The following ELP3 variants were observed in gnomAD, a reference collection of about 807,000 sequenced individuals.
ELP3 encodes the protein elongator acetyltransferase complex subunit 3.
In ELP3, 56 loss-of-function variants were observed where a neutral mutation model predicts 74.9. The ratio of observed to expected loss-of-function variants is 0.75; its 90% confidence interval spans 0.60 to 0.93. ELP3 has a LOEUF of 0.93. Among genes scored for constraint, ELP3 ranks in the 40% least tolerant of loss-of-function variants. The probability of loss-of-function intolerance (pLI) is 0.00; values close to 1 mark genes in which losing one functional copy is unlikely to be tolerated. For synonymous variants in ELP3, 222 were observed against 239.8 expected (o/e 0.93, Z 0.68); for missense variants, 573 against 686.5 (o/e 0.83, Z 1.85).
At chr8:28,091,425 A>T (rs1261068771), upstream of ELP3, among the ~76,000 whole-genome samples, 1 of 152,076 alleles carries the variant, frequency 6.6e-6, no homozygotes, top group Non-Finnish European at 1.5e-5. Flanking sequence ...TACAGAGGAG[A>T]ACTTATGTTC....
intron 14 of ELP3, among the ~76,000 whole-genome samples, chr8:28,181,314 C>A (rs79231756): frequency 0.01 from 1,594 of 152,288 alleles, 27 homozygotes; most frequent in African/African-American, 0.036. Context: ...TGTTGTTTTC[C>A]TCCAAACTCT....
intron 9 of ELP3, among the ~76,000 whole-genome samples, chr8:28,135,220 G>A (rs749052120): frequency 9.2e-5 from 14 of 152,194 alleles, no homozygotes; most frequent in Admixed American, 2.0e-4. Context: ...GAGCCACTGC[G>A]CCTGGCCTAA....
intron 7 of ELP3, among the ~76,000 whole-genome samples, chr8:28,118,351 G>A (rs1379079352): frequency 1.3e-5 from 2 of 152,150 alleles, no homozygotes; most frequent in South Asian, 4.1e-4. Flanking sequence ...TTAAGGTAAA[G>A]AAAAGCCCCA....
intron 7 of ELP3, among the ~76,000 whole-genome samples, chr8:28,117,049 C>T (rs1039351729): frequency 6.6e-6 from 1 of 152,242 alleles, no homozygotes; most frequent in East Asian, 1.9e-4. Flanking sequence ...TTATATACTT[C>T]TGTACTCATT....
At position 28,189,793 on chromosome 8, in the gene ELP3, ATACTC is replaced by A; in HGVS notation, c.*69_*73del. On this transcript the variant is annotated 3_prime_UTR_variant, in exon 15 of 15. Coordinates refer to ENST00000256398, the MANE Select transcript of ELP3 (RefSeq NM_018091.6). ...AACACGGAGAATCAGGATTTCTTAA[ATACTC>A]AACAGAGAGGCTGAGCAGAGCAAAT... is the stretch of plus-strand genomic sequence containing the variant. 1 of 1,522,994 alleles carries A rather than the reference ATACTC, an allele frequency of 6.6e-7. No individual in the cohort carries two copies. Among genetic ancestry groups the A allele is most frequent in the Non-Finnish European group, 9.1e-7 (1 of 1,098,524 alleles). The allele number at this position is 1,522,994 out of a possible 1,614,324, so 94.3% of individuals were successfully genotyped here.
At chr8:28,119,575 TATATATATATATATATATATATATATA>T (rs1563257216) in intron 7 of ELP3, among the ~76,000 whole-genome samples, 2 of 268 alleles carry the variant, frequency 7.5e-3, no homozygotes, top group African/African-American at 0.026. Context: ...TGGCGTTTTA[TATATATATATATATATATATATATATA>T]TATATATATA....
At chr8:28,144,776 C>T (rs1163458252) in intron 10 of ELP3, among the ~76,000 whole-genome samples, 1 of 152,218 alleles carries the variant, frequency 6.6e-6, no homozygotes, top group Admixed American at 6.5e-5. Flanking sequence ...TGGTGGCTCA[C>T]GCCTGTTTTC....
upstream of ELP3, among the ~76,000 whole-genome samples, chr8:28,091,891 A>C (rs1160813324): frequency 6.6e-6 from 1 of 152,228 alleles, no homozygotes; most frequent in East Asian, 1.9e-4. Flanking sequence ...AAGGGGAAAG[A>C]GGAACAACTA....
At chr8:28,156,193 GC>G (rs1399693375) in intron 11 of ELP3, among the ~76,000 whole-genome samples, 161 bp downstream of exon 11, 6 of 152,204 alleles carry the variant, frequency 3.9e-5, no homozygotes, top group Admixed American at 1.3e-4. Flanking sequence ...CGGAGCTGAA[GC>G]CAGTGGTGCA....
In ELP3 at chr8:28,097,263, G is replaced by A. The variant is rs1302761166; in HGVS notation, c.64G>A (p.Val22Ile). ...GCTGATGATGCTGACTATAGGAGAT[G>A]TTATTAAACAACTGATTGAAGCCCA... ...AELMMLTIGD[V>I]IKQLIEAHEQ... Residue 22 changes from valine (V) to isoleucine (I), a missense_variant, in exon 2 of 15, where the codon GTT becomes ATT. Val to Ile is a conservative substitution (Grantham distance 29, BLOSUM62 3). Transcript: ENST00000256398. The A allele has an allele frequency of 5.6e-6, 9 of 1,613,920 alleles. No homozygotes were observed. The highest frequency in any genetic ancestry group is 3.3e-5 in the Admixed American group (2 of 59,986).
chr8:28,147,884 G>C lies in ELP3; in HGVS notation c.1101-8058G>C, dbSNP rs1354837059. On this transcript the variant is annotated intron_variant, in intron 10 of 14. Coordinates refer to ENST00000256398, the MANE Select transcript of ELP3 (RefSeq NM_018091.6). The surrounding 1 kb of genome is among the most constrained non-coding windows in gnomAD (Gnocchi z 4.5). ...GTAAGTAAATAATCAAAGAATGACA[G>C]GTCATGTCAGAAGGACCCAGAAACC... 6.6e-6 allele frequency among the ~76,000 whole-genome samples: 1 copy of C among 152,100 alleles called. No individual in the cohort carries two copies. The highest frequency in any genetic ancestry group is 6.5e-5 in the Admixed American group (1 of 15,268).
Position 28,190,823 on chromosome 8 carries a change from T to TG in ELP3, c.*1099dup, listed in dbSNP as rs1815433973. 1 of 152,242 alleles carries TG rather than the reference T, an allele frequency of 6.6e-6. No individual in the cohort carries two copies. Among genetic ancestry groups the TG allele is most frequent in the Admixed American group, 6.5e-5 (1 of 15,280 alleles). 9.4% of individuals were successfully genotyped at this position (152,242 alleles called of 1,614,324 possible). ...ATCAACCCACCTTGGCCTCCCTAAA[T>TG]GCCGGGATTACAGGCATGAGCCACC... On this transcript the variant is annotated 3_prime_UTR_variant, in exon 15 of 15. Coordinates refer to ENST00000256398, the MANE Select transcript of ELP3 (RefSeq NM_018091.6).
chr8:28,176,286 C>A (rs773558107), intron 14 of ELP3, among the ~76,000 whole-genome samples: 4 of 152,182 alleles, frequency 2.6e-5, no homozygotes, highest in Admixed American at 6.5e-5. Flanking sequence ...CTCTTCAAAT[C>A]TTTTGATACA....
chr8:28,175,467 T>A (rs1456078361), intron 14 of ELP3, among the ~76,000 whole-genome samples: 2 of 152,252 alleles, frequency 1.3e-5, no homozygotes, highest in African/African-American at 4.8e-5. Context: ...CCAGAATTTC[T>A]ATTTTTTAAT....
intron 14 of ELP3, among the ~76,000 whole-genome samples, chr8:28,178,933 G>C (rs771513927): frequency 3.3e-5 from 5 of 152,150 alleles, no homozygotes; most frequent in Non-Finnish European, 7.4e-5. Flanking sequence ...GTGTGTGTGA[G>C]TTTTTCTAAA....
chr8:28,115,957 T>C (rs557504622), intron 7 of ELP3, among the ~76,000 whole-genome samples: 130 of 152,306 alleles, frequency 8.5e-4, no homozygotes, highest in African/African-American at 3.0e-3. Flanking sequence ...TGCCACCTCT[T>C]AAGATTTTTT....
At chr8:28,113,737 T>C (rs1013237389) in intron 7 of ELP3, 9 of 152,264 alleles carry the variant, frequency 5.9e-5, no homozygotes, top group African/African-American at 2.2e-4. Context: ...AGAGCCTTCT[T>C]ACTACGTCAT....
chr8:28,170,818 C>T (rs993553707), intron 14 of ELP3, among the ~76,000 whole-genome samples: 2 of 152,110 alleles, frequency 1.3e-5, no homozygotes, highest in African/African-American at 4.8e-5. Context: ...GTACGACCAT[C>T]ACCATTATTT....
chr8:28,133,941 T>C (rs1303603700), intron 9 of ELP3, among the ~76,000 whole-genome samples: 1 of 151,992 alleles, frequency 6.6e-6, no homozygotes, highest in Non-Finnish European at 1.5e-5. Context: ...AAACACACTT[T>C]TTATTATCAT....
Sources: gnomAD v4.1 joint callset for allele counts (sites outside exome capture counted in the v4.1 genomes callset) on GRCh38, gnomAD v4.1.1 for gene constraint, Gnocchi (gnomAD v3.1) non-coding constraint, MANE v1.5 for transcripts, NCBI Gene and HGNC (gene_info 2026-07-23, HGNC 2026-07-21) for gene names.